Variants in SERPINB2 observed in about 807,000 individuals in gnomAD.
SERPINB2 encodes serpin family B member 2.
In SERPINB2, 28 loss-of-function variants were observed where a neutral mutation model predicts 39.4. That is an observed-to-expected ratio of 0.71 (90% confidence interval 0.53 to 0.97). The LOEUF (loss-of-function observed/expected upper bound fraction) is 0.97. SERPINB2 is among the 50% of genes least tolerant of loss of function. The probability of loss-of-function intolerance (pLI) is 0.00; values close to 1 mark genes in which losing one functional copy is unlikely to be tolerated. For synonymous variants in SERPINB2, 209 were observed against 175.1 expected, an observed-to-expected ratio of 1.19 and a Z score of -1.53; for missense variants, 557 against 505.3, an observed-to-expected ratio of 1.10 and a Z score of -0.98.
intron 1 of SERPINB2, among the ~76,000 whole-genome samples, chr18:63,891,088 G>A (rs1329617062): frequency 6.6e-6 from 1 of 152,136 alleles, no homozygotes; most frequent in Non-Finnish European, 1.5e-5. Flanking sequence ...TCTATGGAAT[G>A]CCACAAAGTG....
intron 1 of SERPINB2, 49 bp from the exon 2 acceptor site, chr18:63,891,387 G>A (rs1216530020): frequency 1.9e-6 from 3 of 1,599,214 alleles, no homozygotes; most frequent in South Asian, 1.1e-5. Context: ...CACCCAAAAT[G>A]TTACCTTATG....
In SERPINB2 at chr18:63,891,620, T is replaced by G. The variant is rs1232554950; in HGVS notation, c.168+8T>G. The G allele has an allele frequency of 6.2e-7, 1 of 1,610,518 alleles. No individual in the cohort carries two copies. The highest frequency in any genetic ancestry group is 1.3e-5 in the African/African-American group (1 of 74,802). On this transcript the variant is annotated splice_region_variant and intron_variant, in intron 2 of 7. Transcript: ENST00000299502. Reference sequence around the variant, plus strand: ...GAAGACCAGATGGCCAAGGTGAGTTTGAGCTGAAGCTCCACATTTGGGCCG... The same window carrying G: ...GAAGACCAGATGGCCAAGGTGAGTTGGAGCTGAAGCTCCACATTTGGGCCG...
intron 2 of SERPINB2, 42 bp downstream of exon 2, chr18:63,891,654 C>T (rs1409207130): frequency 6.3e-7 from 1 of 1,581,408 alleles, no homozygotes; most frequent in Non-Finnish European, 8.6e-7. Flanking sequence ...CGAGTAGTTC[C>T]TGAATGGAAT....
intron 6 of SERPINB2, among the ~76,000 whole-genome samples, 156 bp from the exon 7 acceptor site, chr18:63,902,248 T>C (rs1446187018): frequency 6.6e-6 from 1 of 152,162 alleles, no homozygotes; most frequent in Non-Finnish European, 1.5e-5. Flanking sequence ...AACATCAGAG[T>C]ACCCACTGTA....
At chr18:63,901,307 A>G (rs1449174375) in intron 5 of SERPINB2, among the ~76,000 whole-genome samples, 1 of 152,106 alleles carries the variant, frequency 6.6e-6, no homozygotes, top group East Asian at 1.9e-4. Flanking sequence ...TATTTTTTAC[A>G]AAACGTTTTT....
chr18:63,902,701 TGCCTCTACATTTCATTCAAA>T lies in SERPINB2; in HGVS notation c.843+138_843+157del. On this transcript the variant is annotated intron_variant, in intron 7 of 7. Coordinates refer to ENST00000299502, the MANE Select transcript of SERPINB2 (RefSeq NM_002575.3). Reference sequence around the variant, plus strand: ...GAAACAGTTGATAGTAAATATGGCATGCCTCTACATTTCATTCAAAGCCTTAACTATGTCATACGTGTTAC... The same window carrying T: ...GAAACAGTTGATAGTAAATATGGCATGCCTTAACTATGTCATACGTGTTAC... 3.8e-6 allele frequency: 4 copies of T among 1,056,718 alleles called. 1 individual carries two copies. In the South Asian group the frequency reaches 4.9e-5, roughly 13 times the overall value. 65.5% of individuals were successfully genotyped at this position (1,056,718 alleles called of 1,614,324 possible). A position where few individuals can be genotyped will look rare whatever the true frequency, so the allele number is the denominator to read the frequency against.
intron 2 of SERPINB2, 28 bp downstream of exon 2, chr18:63,891,640 G>T: frequency 6.3e-7 from 1 of 1,599,818 alleles, no homozygotes; most frequent in African/African-American, 1.3e-5. Context: ...CTCCACATTT[G>T]GGCCGAGTAG....
chr18:63,892,731 C>G (rs902198842), intron 2 of SERPINB2: 1 of 152,136 alleles, frequency 6.6e-6, no homozygotes, highest in Admixed American at 6.5e-5. Context: ...TGCAGGAAGA[C>G]AAGGGATGGG....
chr18:63,888,725 AC>A (rs1325090900), intron 1 of SERPINB2, among the ~76,000 whole-genome samples: 3 of 152,200 alleles, frequency 2.0e-5, no homozygotes, highest in Non-Finnish European at 1.5e-5. Flanking sequence ...CAACACACAC[AC>A]CACCAGGAAG....
Position 63,896,981 on chromosome 18 carries a change from T to C in SERPINB2, c.289-110T>C, listed in dbSNP as rs184165205. 1.1e-5 allele frequency: 11 copies of C among 961,724 alleles called. No homozygotes were observed. The South Asian group carries it at 1.8e-4, about 15-fold the overall frequency. The allele number at this position is 961,724 out of a possible 1,614,324, so 59.6% of individuals were successfully genotyped here. ...TCTAATGTACCAAAAATAAAGTATGTATTAATATAGCATTTCATGATTGTA... is the reference window on the plus strand; with the variant it reads ...TCTAATGTACCAAAAATAAAGTATGCATTAATATAGCATTTCATGATTGTA... On this transcript the variant is annotated intron_variant, in intron 3 of 7. Coordinates refer to ENST00000299502, the MANE Select transcript of SERPINB2 (RefSeq NM_002575.3).
chr18:63,898,976 C>T lies in SERPINB2; in HGVS notation c.535+1132C>T, dbSNP rs1364195480. ...ACTAAAAACTGTCAGTGACCTCCTA[C>T]TGTCCTCAGGAGAAGGTCTCATTCT... is the stretch of plus-strand genomic sequence containing the variant. On this transcript the variant is annotated intron_variant, in intron 5 of 7. Coordinates refer to ENST00000299502, the MANE Select transcript of SERPINB2 (RefSeq NM_002575.3). Among the ~76,000 whole-genome samples, 5 of 152,212 alleles carry T rather than the reference C, an allele frequency of 3.3e-5. No homozygotes were observed. The East Asian group carries it at 9.6e-4, about 29-fold the overall frequency.
Position 63,895,302 on chromosome 18 carries a change from C to T in SERPINB2, c.207C>T (p.Thr69=). The part of the protein sequence containing the change: ...QFNEVGANAV[T]PMTPENFTSC... ...ATGAAGTGGGAGCCAATGCAGTTAC[C>T]CCCATGACTCCAGAGAACTTTACCA... The change falls in exon 3 of 8, where the codon ACC becomes ACT. Residue 69 remains threonine, a synonymous_variant. Transcript: ENST00000299502. 1 of 1,614,004 alleles carries T rather than the reference C, an allele frequency of 6.2e-7. No homozygotes were observed. The highest frequency in any genetic ancestry group is 2.2e-5 in the East Asian group (1 of 44,880).
chr18:63,897,621 C>G, intron 4 of SERPINB2, 106 bp from the exon 5 acceptor site: 4 of 868,264 alleles, frequency 4.6e-6, no homozygotes, highest in Non-Finnish European at 7.8e-6. Flanking sequence ...CACTCCCACC[C>G]TACCCCAGGT....
Position 63,897,229 on chromosome 18 carries a change from A to C in SERPINB2, c.417+10A>C. ...TGCGAGCTTCCGGGAAGTAAGTGAA[A>C]CCTGTAATTGAAATGGCTGGATCCC... On this transcript the variant is annotated intron_variant, in intron 4 of 7. Transcript: ENST00000299502. The C allele has an allele frequency of 1.9e-6, 3 of 1,606,830 alleles. No homozygotes were observed. Among genetic ancestry groups the C allele is most frequent in the Non-Finnish European group, 2.5e-6 (3 of 1,176,762 alleles).
rs868228579 is a variant in SERPINB2, at chr18:63,895,248, C to G, written c.169-16C>G. ...CCGTGGGCAAGTGTAACCGTTTTCT[C>G]TAATTCTGATTGCAGGTGCTTCAGT... is the stretch of plus-strand genomic sequence containing the variant. On this transcript the variant is annotated splice_polypyrimidine_tract_variant and intron_variant, in intron 2 of 7. Transcript: ENST00000299502. 1.2e-6 allele frequency: 2 copies of G among 1,612,446 alleles called. No homozygotes were observed. Among genetic ancestry groups the G allele is most frequent in the Non-Finnish European group, 1.7e-6 (2 of 1,179,570 alleles).
Position 63,903,161 on chromosome 18 carries a change from A to T in SERPINB2, c.1104A>T (p.Glu368Asp). The stretch of plus-strand genomic sequence containing the variant: ...TGGATGTGAATGAGGAGGGCACTGA[A>T]GCAGCCGCTGGCACAGGAGGTGTTA... ...AMVDVNEEGT[E>D]AAAGTGGVMT... The change falls in exon 8 of 8, where the codon GAA (glutamate) becomes GAT (aspartate). Residue 368 changes from glutamate (E) to aspartate (D), a missense_variant. Coordinates refer to ENST00000299502, the MANE Select transcript of SERPINB2 (RefSeq NM_002575.3). The T allele has an allele frequency of 6.2e-7, 1 of 1,613,738 alleles. No homozygotes were observed. Among genetic ancestry groups the T allele is most frequent in the Middle Eastern group, 1.7e-4 (1 of 6,052 alleles).
chr18:63,897,891 T>C (rs2049970850), intron 5 of SERPINB2, 47 bp downstream of exon 5: 2 of 1,271,536 alleles, frequency 1.6e-6, no homozygotes, highest in Admixed American at 1.9e-5. Flanking sequence ...GTTAGAAAAC[T>C]CTGATCTATC....
At position 63,903,319 on chromosome 18, in the gene SERPINB2, G is replaced by C. The variant is rs372998320; in HGVS notation, c.*14G>C. 10 of 1,473,722 alleles carry C rather than the reference G, an allele frequency of 6.8e-6. No individual in the cohort carries two copies. Among genetic ancestry groups the C allele is most frequent in the Non-Finnish European group, 9.0e-6 (10 of 1,112,610 alleles). 91.3% of individuals were successfully genotyped at this position (1,473,722 alleles called of 1,614,324 possible). ...TCCTCACCCTAAAACTAAGCGTGCT[G>C]CTTCTGCAAAAGATTTTTGTAGATG... is the stretch of plus-strand genomic sequence containing the variant. On this transcript the variant is annotated 3_prime_UTR_variant, in exon 8 of 8. Transcript: ENST00000299502.
chr18:63,900,594 A>G (rs1329617659), intron 5 of SERPINB2, among the ~76,000 whole-genome samples: 1 of 152,178 alleles, frequency 6.6e-6, no homozygotes, highest in East Asian at 1.9e-4. Flanking sequence ...ATTAAGGGGC[A>G]GTTTACGCAG....
Sources: allele counts gnomAD v4.1 joint callset (sites outside exome capture counted in the v4.1 genomes callset), GRCh38; gene constraint gnomAD v4.1.1; transcripts MANE v1.5; gene names NCBI Gene and HGNC (gene_info 2026-07-23, HGNC 2026-07-21).